Variants in TAOK3 observed in about 807,000 individuals in gnomAD.
TAOK3 encodes serine/threonine-protein kinase TAO3.
TAOK3 carries 40 observed loss-of-function variants against 120.4 expected under a neutral mutation model. The observed-to-expected ratio is 0.33, with a 90% CI of 0.26 to 0.43. TAOK3 has a LOEUF of 0.43. TAOK3 is among the 20% of genes least tolerant of loss of function. The probability of loss-of-function intolerance (pLI) is 1.00; values close to 1 mark genes in which losing one functional copy is unlikely to be tolerated. For missense variants in TAOK3, 821 were observed against 1,112.1 expected, an observed-to-expected ratio of 0.74 and a Z score of 3.72; for synonymous variants, 355 against 387.5, an observed-to-expected ratio of 0.92 and a Z score of 0.99.
chr12:118,359,542 A>G (rs896315625), intron 1 of TAOK3: 2 of 152,250 alleles, frequency 1.3e-5, no homozygotes, highest in Non-Finnish European at 2.9e-5. Flanking sequence ...AATGAAGAAA[A>G]GGCAACCATT....
intron 17 of TAOK3, among the ~76,000 whole-genome samples, chr12:118,163,629 A>T (rs1305382054): frequency 2.0e-5 from 3 of 151,418 alleles, no homozygotes; most frequent in Non-Finnish European, 2.9e-5. Flanking sequence ...AAAAAGAGAG[A>T]GAGCAATGTT....
chr12:118,319,769 CTCT>C (rs1381132480), intron 1 of TAOK3, among the ~76,000 whole-genome samples: 1 of 152,058 alleles, frequency 6.6e-6, no homozygotes, highest in Non-Finnish European at 1.5e-5. Context: ...ATGATGCAGC[CTCT>C]ATGGAAAACA....
intron 13 of TAOK3, among the ~76,000 whole-genome samples, chr12:118,197,065 T>C (rs1415394753): frequency 6.6e-6 from 1 of 152,198 alleles, no homozygotes; most frequent in East Asian, 1.9e-4. Flanking sequence ...TTTATTTCTA[T>C]TGTTTTTAAA....
At position 118,214,025 on chromosome 12, in the gene TAOK3, A is replaced by G; in HGVS notation, c.729T>C (p.Ser243=). ...IAQNDSPTLQ[S]NEWTDSFRRF... is the part of the protein sequence containing the mutation. ...TGATAGCAGAGTCTTACCATTCATT[A>G]GACTGTAACGTTGGGGAGTCATTCT... Residue 243 remains serine (S), a synonymous_variant, in exon 10 of 21, where the codon TCT becomes TCC. Coordinates refer to ENST00000392533, the MANE Select transcript of TAOK3 (RefSeq NM_016281.4). 2 of 1,610,912 alleles carry G rather than the reference A, an allele frequency of 1.2e-6. No individual in the cohort carries two copies. The highest frequency in any genetic ancestry group is 1.7e-6 in the Non-Finnish European group (2 of 1,178,256).
At chr12:118,292,630 A>T (rs1466657275) in intron 1 of TAOK3, among the ~76,000 whole-genome samples, 1 of 152,226 alleles carries the variant, frequency 6.6e-6, no homozygotes, top group Non-Finnish European at 1.5e-5. Context: ...AAGCTGTCTA[A>T]TCTCAAGCCC....
chr12:118,159,985 G>A (rs1301000767), intron 19 of TAOK3, 161 bp downstream of exon 19: 2 of 646,378 alleles, frequency 3.1e-6, no homozygotes, highest in Admixed American at 2.8e-5. Context: ...ATCCACATTG[G>A]CTTGGCTTTA....
chr12:118,324,734 C>CTTTTTTTTTTTT (rs35462737), intron 1 of TAOK3, among the ~76,000 whole-genome samples: 2 of 69,646 alleles, frequency 2.9e-5, no homozygotes, highest in African/African-American at 6.1e-5. Context: ...GAATTTCATT[C>CTTTTTTTTTTTT]TTTTTTTTTT....
At chr12:118,175,467 A>C (rs1466189839) in intron 16 of TAOK3, among the ~76,000 whole-genome samples, 1 of 151,980 alleles carries the variant, frequency 6.6e-6, no homozygotes, top group East Asian at 1.9e-4. Flanking sequence ...TTCTACTAAA[A>C]ATACAAAAAA....
At position 118,182,610 on chromosome 12, in the gene TAOK3, TA is replaced by T. The variant is rs1213667814; in HGVS notation, c.1330-1004del. 4.3e-4 allele frequency among the ~76,000 whole-genome samples: 36 copies of T among 84,312 alleles called. No homozygotes were observed. In the South Asian group the frequency reaches 0.013, roughly 30 times the overall value. The allele number at this position is 84,312 out of a possible 152,430, so 55.3% of individuals were successfully genotyped here. A position where few individuals can be genotyped will look rare whatever the true frequency, so the allele number is the denominator to read the frequency against. On this transcript the variant is annotated intron_variant, in intron 14 of 20. Transcript: ENST00000392533. ...GTGTGTGTGTGTGTGTATATATATATATATATATATATATTTTTTTTTTTTT... is the reference window on the plus strand; with the variant it reads ...GTGTGTGTGTGTGTGTATATATATATTATATATATATATTTTTTTTTTTTT...
At chr12:118,231,862 G>T (rs1220065995) in intron 9 of TAOK3, among the ~76,000 whole-genome samples, 1 of 151,470 alleles carries the variant, frequency 6.6e-6, no homozygotes, top group Non-Finnish European at 1.5e-5. Flanking sequence ...GAGAGAGGCT[G>T]TAGTGAGCCA....
chr12:118,201,451 G>C lies in TAOK3; in HGVS notation c.832C>G (p.Arg278Gly). The C allele has an allele frequency of 1.2e-6, 2 of 1,609,284 alleles. No homozygotes were observed. Among genetic ancestry groups the C allele is most frequent in the Non-Finnish European group, 1.7e-6 (2 of 1,177,844 alleles). ...SAELLRHDFV[R>G]RDRPLRVLID... is the part of the protein sequence containing the mutation. Reference sequence around the variant, plus strand: ...AGGACACGTAGTGGCCGGTCTCGTCGAACAAAGTCATGCTGATTGAGGGAG... The same window carrying C: ...AGGACACGTAGTGGCCGGTCTCGTCCAACAAAGTCATGCTGATTGAGGGAG... Residue 278 changes from arginine to glycine, a missense_variant, in exon 12 of 21, where the codon CGA (arginine) becomes GGA (glycine). Arg to Gly is a moderately radical substitution (Grantham distance 125). Coordinates refer to ENST00000392533, the MANE Select transcript of TAOK3 (RefSeq NM_016281.4).
At position 118,306,276 on chromosome 12, in the gene TAOK3, C is replaced by T. The variant is rs1458850939; in HGVS notation, c.-193-39517G>A. On this transcript the variant is annotated intron_variant, in intron 1 of 20. Coordinates refer to ENST00000392533, the MANE Select transcript of TAOK3 (RefSeq NM_016281.4). ...TACCTGATAGTTGTTTTTTCTGATC[C>T]TCTCCCTCCATTTGGAGTTTTCTTA... is the stretch of plus-strand genomic sequence containing the variant. Among the ~76,000 whole-genome samples the T allele has an allele frequency of 2.6e-5, 4 of 152,086 alleles. No homozygotes were observed. The East Asian group carries it at 7.7e-4, about 29-fold the overall frequency.
chr12:118,264,771 T>G (rs1025779896), intron 2 of TAOK3, among the ~76,000 whole-genome samples: 1 of 152,212 alleles, frequency 6.6e-6, no homozygotes, highest in Non-Finnish European at 1.5e-5. Flanking sequence ...TGGTAGCTCA[T>G]GCTTGTAATC....
chr12:118,213,267 A>T (rs966145962), intron 10 of TAOK3, among the ~76,000 whole-genome samples: 1 of 152,194 alleles, frequency 6.6e-6, no homozygotes, highest in Non-Finnish European at 1.5e-5. Flanking sequence ...AAACAAAAAT[A>T]CTATGTTTAA....
chr12:118,234,804 A>G (rs1300051231), intron 8 of TAOK3, among the ~76,000 whole-genome samples: 2 of 152,170 alleles, frequency 1.3e-5, no homozygotes, highest in African/African-American at 2.4e-5. Context: ...AACCTACAAA[A>G]ACCCTAGGTT....
intron 1 of TAOK3, among the ~76,000 whole-genome samples, chr12:118,335,994 C>A (rs1288987446): frequency 6.6e-6 from 1 of 152,088 alleles, no homozygotes. Flanking sequence ...GATTGAAAGA[C>A]TCAACATAGA....
At chr12:118,246,093 G>A in intron 3 of TAOK3, 1 of 1,165,210 alleles carries the variant, frequency 8.6e-7, no homozygotes, top group Non-Finnish European at 1.2e-6. Context: ...AATGGCGGAT[G>A]ACGCCGGTGC....
chr12:118,335,904 G>A (rs1383222849), intron 1 of TAOK3, among the ~76,000 whole-genome samples: 1 of 152,078 alleles, frequency 6.6e-6, no homozygotes, highest in Non-Finnish European at 1.5e-5. Flanking sequence ...TTAAAAACAT[G>A]TCTATAAATA....
At chr12:118,283,225 A>C (rs2042156015) in intron 1 of TAOK3, among the ~76,000 whole-genome samples, 1 of 152,210 alleles carries the variant, frequency 6.6e-6, no homozygotes, top group East Asian at 1.9e-4. Flanking sequence ...TACTTAAGAT[A>C]TTGTGTTAGG....
Sources: allele counts gnomAD v4.1 joint callset (sites outside exome capture counted in the v4.1 genomes callset), GRCh38; gene constraint gnomAD v4.1.1; transcripts MANE v1.5; gene names NCBI Gene and HGNC (gene_info 2026-07-23, HGNC 2026-07-21).